Variants in MECOM observed in about 807,000 individuals in gnomAD.
MECOM encodes the protein MDS1 and EVI1 complex locus, also known as histone-lysine N-methyltransferase MECOM.
In MECOM, 13 loss-of-function variants were observed where a neutral mutation model predicts 116.3. That is an observed-to-expected ratio of 0.11 (90% CI 0.07 to 0.18). The LOEUF is 0.18. MECOM is among the 10% of genes least tolerant of loss of function. The pLI, the probability that MECOM is intolerant of heterozygous loss-of-function variation, is 1.00. For synonymous variants in MECOM, 528 were observed against 535.2 expected (o/e 0.99, Z 0.19); for missense variants, 1,299 against 1,509.0 (o/e 0.86, Z 2.31).
chr3:169,560,125 C>T (rs760534560), intron 1 of MECOM, among the ~76,000 whole-genome samples: 2 of 151,958 alleles, frequency 1.3e-5, no homozygotes, highest in African/African-American at 2.4e-5. Flanking sequence ...TTTCATGTCC[C>T]GAAATTAATG....
intron 2 of MECOM, among the ~76,000 whole-genome samples, chr3:169,183,043 G>C (rs984956685): frequency 2.0e-5 from 3 of 152,150 alleles, no homozygotes; most frequent in African/African-American, 7.2e-5. Flanking sequence ...TGAACCTCAT[G>C]ATTCTCATCT....
chr3:169,381,358 G>A lies in MECOM; in HGVS notation c.204C>T (p.Ile68=). The A allele has an allele frequency of 6.2e-7, 1 of 1,613,924 alleles. No homozygotes were observed. Among genetic ancestry groups the A allele is most frequent in the Non-Finnish European group, 8.5e-7 (1 of 1,179,822 alleles). ...GAATGGGGATATCATCAGGGATGTAGATGGGGGCTTTGTAAGGAGAACCCT... is the reference window on the plus strand; with the variant it reads ...GAATGGGGATATCATCAGGGATGTAAATGGGGGCTTTGTAAGGAGAACCCT... ...PKEGSPYKAP[I]YIPDDIPIPA... is the part of the protein sequence containing the mutation. The change falls in exon 2 of 17, where the codon ATC becomes ATT. Residue 68 remains isoleucine (I), a synonymous_variant. Coordinates refer to ENST00000651503, the MANE Select transcript of MECOM (RefSeq NM_004991.4).
At chr3:169,468,354 T>C (rs1423850393) in intron 1 of MECOM, among the ~76,000 whole-genome samples, 5 of 152,202 alleles carry the variant, frequency 3.3e-5, no homozygotes, top group Non-Finnish European at 5.9e-5. Flanking sequence ...TTCTCTCTTT[T>C]ATGTGTACAA....
rs1368521231 is a variant in MECOM at position 169,381,539 on chromosome 3, G to T, written c.38-15C>A. The T allele has an allele frequency of 1.3e-6, 2 of 1,531,066 alleles. No homozygotes were observed. Among genetic ancestry groups the T allele is most frequent in the Non-Finnish European group, 1.8e-6 (2 of 1,136,756 alleles). 94.8% of individuals were successfully genotyped at this position (1,531,066 alleles called of 1,614,324 possible). ...ACACTCATTATCTGTGAATAAATAA[G>T]AACTTCATGAATTCCTTCTGATATT... On this transcript the variant is annotated splice_polypyrimidine_tract_variant and intron_variant, in intron 1 of 16. Coordinates refer to ENST00000651503, the MANE Select transcript of MECOM (RefSeq NM_004991.4).
At chr3:169,510,691 C>T (rs915327152) in intron 1 of MECOM, among the ~76,000 whole-genome samples, 1 of 152,180 alleles carries the variant, frequency 6.6e-6, no homozygotes, top group Non-Finnish European at 1.5e-5. Context: ...ACTCTCCTCC[C>T]GATAAACCAG....
intron 2 of MECOM, among the ~76,000 whole-genome samples, chr3:169,207,035 G>T (rs1750025621): frequency 6.6e-6 from 1 of 152,122 alleles, no homozygotes; most frequent in African/African-American, 2.4e-5. Context: ...ATAGCATAAA[G>T]AACAAAAATA....
intron 8 of MECOM, 45 bp from the exon 9 acceptor site, chr3:169,112,919 A>G: frequency 7.6e-7 from 1 of 1,312,666 alleles, no homozygotes; most frequent in Non-Finnish European, 1.1e-6. Context: ...AGTCTCACAT[A>G]TCAATCACTA....
intron 1 of MECOM, among the ~76,000 whole-genome samples, chr3:169,633,935 G>T (rs904735159): frequency 1.3e-5 from 2 of 150,856 alleles, no homozygotes; most frequent in Non-Finnish European, 2.9e-5. Flanking sequence ...ACAAACAGGC[G>T]ACAGGCAGCA....
intron 1 of MECOM, among the ~76,000 whole-genome samples, chr3:169,472,157 T>G (rs1219995792): frequency 6.6e-6 from 1 of 151,960 alleles, no homozygotes; most frequent in Non-Finnish European, 1.5e-5. Context: ...ATATCTCATA[T>G]ACCCAATAAA....
At chr3:169,630,838 C>T (rs138037328) in intron 1 of MECOM, among the ~76,000 whole-genome samples, 155 of 152,326 alleles carry the variant, frequency 1.0e-3, no homozygotes, top group Non-Finnish European at 1.7e-3. Flanking sequence ...AGTTCAGGGA[C>T]CCTGTCTATA....
At chr3:169,096,846 A>G (rs767953778) in intron 12 of MECOM, among the ~76,000 whole-genome samples, 7 of 151,988 alleles carry the variant, frequency 4.6e-5, no homozygotes, top group Non-Finnish European at 7.4e-5. Flanking sequence ...TACTGATTTG[A>G]TTTTTCCCCC....
chr3:169,568,529 G>C (rs529969192), intron 1 of MECOM, among the ~76,000 whole-genome samples: 6 of 152,276 alleles, frequency 3.9e-5, no homozygotes, highest in South Asian at 2.1e-4. Flanking sequence ...TGAGCTTGGT[G>C]GGGGGAGGGG....
intron 1 of MECOM, among the ~76,000 whole-genome samples, chr3:169,593,852 C>T (rs1253398928): frequency 1.3e-5 from 2 of 152,164 alleles, no homozygotes; most frequent in Non-Finnish European, 1.5e-5. Flanking sequence ...GGCACAGTGG[C>T]TCACACCTGT....
chr3:169,485,973 CAT>C (rs113586047), intron 1 of MECOM, among the ~76,000 whole-genome samples: 15,656 of 53,776 alleles, frequency 0.29, 1,673 homozygotes, highest in African/African-American at 0.4. Context: ...ACTATATATA[CAT>C]ATATATATAG....
At chr3:169,344,635 A>C (rs1725054884) in intron 2 of MECOM, among the ~76,000 whole-genome samples, 1 of 152,206 alleles carries the variant, frequency 6.6e-6, no homozygotes. Flanking sequence ...GGAACCTTTT[A>C]TAGTTATGCA....
chr3:169,352,980 A>G (rs1159377922), intron 2 of MECOM, among the ~76,000 whole-genome samples: 1 of 151,902 alleles, frequency 6.6e-6, no homozygotes, highest in African/African-American at 2.4e-5. Flanking sequence ...GACCAAAACT[A>G]TGCTGATGTG....
chr3:169,590,271 G>C (rs1371073173), intron 1 of MECOM, among the ~76,000 whole-genome samples: 3 of 152,172 alleles, frequency 2.0e-5, no homozygotes, highest in Admixed American at 2.0e-4. Context: ...GCTCTTATAG[G>C]CATGAGGTAA....
chr3:169,599,450 T>C (rs1363851444), intron 1 of MECOM, among the ~76,000 whole-genome samples: 1 of 149,832 alleles, frequency 6.7e-6, no homozygotes, highest in Non-Finnish European at 1.5e-5. Context: ...GAGGCGGAGG[T>C]TGCAGTGAGC....
At chr3:169,390,705 C>G (rs1471649764) in intron 1 of MECOM, among the ~76,000 whole-genome samples, 1 of 152,162 alleles carries the variant, frequency 6.6e-6, no homozygotes, top group African/African-American at 2.4e-5. Context: ...AGAGCCCCAA[C>G]TTGTTTATTA....
Sources: allele counts gnomAD v4.1 joint callset (sites outside exome capture counted in the v4.1 genomes callset), GRCh38; gene constraint gnomAD v4.1.1; transcripts MANE v1.5; gene names NCBI Gene and HGNC (gene_info 2026-07-23, HGNC 2026-07-21).